PELI1: variants seen among roughly 807,000 people sequenced by gnomAD.
PELI1 encodes E3 ubiquitin-protein ligase pellino homolog 1.
In PELI1, 15 loss-of-function variants were observed where a neutral mutation model predicts 41.3. That is an observed-to-expected ratio of 0.36 (90% CI 0.24 to 0.56). The LOEUF (loss-of-function observed/expected upper bound fraction) is 0.56. Among genes scored for constraint, PELI1 ranks in the 20% least tolerant of loss-of-function variants. PELI1 has a pLI of 0.82. For synonymous variants in PELI1, 178 were observed against 180.1 expected (o/e 0.99, Z 0.09); for missense variants, 403 against 525.5 (o/e 0.77, Z 2.28).
chr2:64,110,928 A>ATAT (rs1680788877), intron 1 of PELI1, among the ~76,000 whole-genome samples: 4 of 149,294 alleles, frequency 2.7e-5, no homozygotes, highest in Non-Finnish European at 5.9e-5. Context: ...TCCATTTCAA[A>ATAT]ATATATATAT....
intron 1 of PELI1, among the ~76,000 whole-genome samples, chr2:64,134,712 T>C (rs1490390067): frequency 1.3e-5 from 2 of 152,144 alleles, no homozygotes; most frequent in Non-Finnish European, 2.9e-5. Flanking sequence ...AATCAGCTTT[T>C]AGTGCTTCCA....
At chr2:64,112,274 A>C (rs894898640) in intron 1 of PELI1, among the ~76,000 whole-genome samples, 1 of 152,320 alleles carries the variant, frequency 6.6e-6, no homozygotes, top group African/African-American at 2.4e-5. Context: ...GAACAAAGCA[A>C]TCTGTTTCCT....
chr2:64,139,911 T>C (rs72893168), intron 1 of PELI1, among the ~76,000 whole-genome samples: 3,068 of 152,352 alleles, frequency 0.02, 93 homozygotes, highest in African/African-American at 0.069. Flanking sequence ...ATTTATTTGC[T>C]GTCCCTGCTT....
intron 1 of PELI1, among the ~76,000 whole-genome samples, chr2:64,127,699 T>C (rs1681434100): frequency 6.6e-6 from 1 of 152,144 alleles, no homozygotes; most frequent in South Asian, 2.1e-4. Context: ...AATTGCAATT[T>C]TGCTAACTAT....
At chr2:64,117,666 A>G (rs938131408) in intron 1 of PELI1, among the ~76,000 whole-genome samples, 3 of 152,214 alleles carry the variant, frequency 2.0e-5, no homozygotes, top group African/African-American at 7.2e-5. Context: ...TAATAGAGAG[A>G]AATCATTATT....
chr2:64,096,382 G>T (rs1558470635), intron 5 of PELI1, 31 bp downstream of exon 5: 1 of 1,595,810 alleles, frequency 6.3e-7, no homozygotes, highest in East Asian at 2.2e-5. Context: ...TAGTATAAAA[G>T]AAAGCATCAT....
chr2:64,138,595 C>T (rs1323971911), intron 1 of PELI1, among the ~76,000 whole-genome samples: 8 of 151,930 alleles, frequency 5.3e-5, no homozygotes, highest in African/African-American at 1.9e-4. Flanking sequence ...GGCGTGGTGG[C>T]GTGTGCCTGT....
At chr2:64,104,374 T>A (rs1310798697) in intron 3 of PELI1, among the ~76,000 whole-genome samples, 2 of 152,156 alleles carry the variant, frequency 1.3e-5, no homozygotes, top group Non-Finnish European at 2.9e-5. Flanking sequence ...AGTGGGAACT[T>A]CCCACTTCTC....
intron 1 of PELI1, among the ~76,000 whole-genome samples, chr2:64,109,552 T>C (rs1347918033): frequency 6.6e-6 from 1 of 152,008 alleles, no homozygotes; most frequent in Non-Finnish European, 1.5e-5. Context: ...TGGTGGCACA[T>C]GCCTGTAATC....
At chr2:64,135,968 A>G (rs1487569224) in intron 1 of PELI1, among the ~76,000 whole-genome samples, 1 of 152,206 alleles carries the variant, frequency 6.6e-6, no homozygotes, top group Non-Finnish European at 1.5e-5. Flanking sequence ...TATATTTACT[A>G]TTTTGTGAGA....
Position 64,094,881 on chromosome 2 carries a change from G to T in PELI1, c.1078C>A (p.Pro360Thr). Residue 360 changes from proline (P) to threonine (T), a missense_variant, in exon 7 of 7, where the codon CCA (proline) becomes ACA (threonine). By Grantham distance (38) the Pro-to-Thr change is conservative. Coordinates refer to ENST00000358912, the MANE Select transcript of PELI1 (RefSeq NM_020651.4). ...EAGFYVDAGP[P>T]THAFSPCGHV... ...CCACACGGGCTAAACGCATGGGTTG[G>T]AGGGCCGGCGTCCACATAAAATCCA... 6.2e-7 allele frequency: 1 copy of T among 1,614,206 alleles called. No homozygotes were observed. The highest frequency in any genetic ancestry group is 8.5e-7 in the Non-Finnish European group (1 of 1,180,034).
intron 1 of PELI1, among the ~76,000 whole-genome samples, chr2:64,134,064 A>G (rs936878527): frequency 6.6e-6 from 1 of 152,084 alleles, no homozygotes; most frequent in African/African-American, 2.4e-5. Context: ...GGAGCCTTCA[A>G]TTTAAGGAGT....
chr2:64,108,186 C>G (rs1680684341), intron 2 of PELI1, 54 bp downstream of exon 2: 2 of 982,434 alleles, frequency 2.0e-6, no homozygotes, highest in East Asian at 5.1e-5. Flanking sequence ...GCCTAGATGC[C>G]AAAGTTAGCA....
chr2:64,131,980 G>C (rs551211945), intron 1 of PELI1, among the ~76,000 whole-genome samples: 73 of 152,136 alleles, frequency 4.8e-4, no homozygotes, highest in African/African-American at 1.7e-3. Flanking sequence ...AGAAAACAGA[G>C]GTCTTTTTCA....
chr2:64,118,425 C>G (rs1681079223), intron 1 of PELI1, among the ~76,000 whole-genome samples: 1 of 152,150 alleles, frequency 6.6e-6, no homozygotes, highest in South Asian at 2.1e-4. Flanking sequence ...TCATACATTA[C>G]TGAGCAGCGC....
chr2:64,104,502 A>ATT, intron 3 of PELI1, 199 bp downstream of exon 3: 9 of 717,550 alleles, frequency 1.3e-5, no homozygotes, highest in South Asian at 4.1e-5. Context: ...CTGGTTTGTC[A>ATT]TTTTTTTTTT....
At chr2:64,099,199 C>CACACACACAT (rs773913074) in intron 4 of PELI1, among the ~76,000 whole-genome samples, 1 of 151,054 alleles carries the variant, frequency 6.6e-6, no homozygotes, top group Admixed American at 6.6e-5. Context: ...CACACACACA[C>CACACACACAT]ACATATATAT....
chr2:64,094,772 G>A lies in PELI1; in HGVS notation c.1187C>T (p.Pro396Leu). Residue 396 changes from proline (P) to leucine (L), a missense_variant, in exon 7 of 7, where the codon CCC (proline) becomes CTC (leucine). By Grantham distance (98) the Pro-to-Leu change is moderately conservative. Transcript: ENST00000358912. ...HGTHTFHAAC[P>L]FCAHQLAGEQ... is the part of the protein sequence containing the mutation. ...ACCAGCCAACTGATGTGCACAAAAG[G>A]GACAGGCTGCATGAAAAGTATGAGT... 1 of 1,614,138 alleles carries A rather than the reference G, an allele frequency of 6.2e-7. No homozygotes were observed. Among genetic ancestry groups the A allele is most frequent in the Non-Finnish European group, 8.5e-7 (1 of 1,180,006 alleles).
chr2:64,115,951 C>T (rs1680976092), intron 1 of PELI1, among the ~76,000 whole-genome samples: 1 of 152,180 alleles, frequency 6.6e-6, no homozygotes, highest in African/African-American at 2.4e-5. Flanking sequence ...CAACCATTTC[C>T]TGGTAGTGAC....
Sources: gnomAD v4.1 joint callset for allele counts (sites outside exome capture counted in the v4.1 genomes callset) on GRCh38, gnomAD v4.1.1 for gene constraint, MANE v1.5 for transcripts, NCBI Gene and HGNC (gene_info 2026-07-23, HGNC 2026-07-21) for gene names.